The following ARGLU1 variants were observed in gnomAD, a reference collection of about 807,000 sequenced individuals.
ARGLU1 encodes arginine and glutamate-rich protein 1.
A neutral mutation model predicts 37.6 loss-of-function variants in ARGLU1; 9 were observed. The ratio of observed to expected loss-of-function variants is 0.24; its 90% CI spans 0.14 to 0.42. The LOEUF (loss-of-function observed/expected upper bound fraction) is 0.42, where lower values mean the gene tolerates loss of function less well. Among genes scored for constraint, ARGLU1 ranks in the 10% least tolerant of loss-of-function variants. ARGLU1 has a pLI of 1.00. For synonymous variants in ARGLU1, 166 were observed against 138.5 expected (o/e 1.20, Z -1.39); for missense variants, 211 against 359.2 (o/e 0.59, Z 3.34).
In ARGLU1 at chr13:106,557,906, T is replaced by C; in HGVS notation, c.574-775A>G. 1 of 985,452 alleles carries C rather than the reference T, an allele frequency of 1.0e-6. No homozygotes were observed. Among genetic ancestry groups the C allele is most frequent in the African/African-American group, 1.7e-5 (1 of 57,362 alleles). The allele number at this position is 985,452 out of a possible 1,614,324, so 61.0% of individuals were successfully genotyped here. A position where few individuals can be genotyped will look rare whatever the true frequency, so the allele number is the denominator to read the frequency against. Reference sequence around the variant, plus strand: ...TGACAATTTCGGAAGGCAGCTTATATTGTCATCTACAATCTGAACTGAAAC... The same window carrying C: ...TGACAATTTCGGAAGGCAGCTTATACTGTCATCTACAATCTGAACTGAAAC... On this transcript the variant is annotated intron_variant, in intron 2 of 3. Transcript: ENST00000400198. This position sits in a 1 kb window ranked among gnomAD's most constrained non-coding sequence, Gnocchi z 5.0.
At chr13:106,550,045 G>A (rs1004369732) in intron 3 of ARGLU1, among the ~76,000 whole-genome samples, 1 of 152,064 alleles carries the variant, frequency 6.6e-6, no homozygotes, top group Non-Finnish European at 1.5e-5. Flanking sequence ...CAGTTCTTCT[G>A]TCTTGGTCAT....
At chr13:106,556,832 T>C (rs1468731691) in intron 3 of ARGLU1, among the ~76,000 whole-genome samples, 1 of 152,148 alleles carries the variant, frequency 6.6e-6, no homozygotes, top group Non-Finnish European at 1.5e-5. Flanking sequence ...CCCAGAAAAC[T>C]TGTTTTTTAA....
Position 106,543,928 on chromosome 13 carries a change from C to A in ARGLU1, c.*68G>T. 1 of 1,451,184 alleles carries A rather than the reference C, an allele frequency of 6.9e-7. No homozygotes were observed. Among genetic ancestry groups the A allele is most frequent in the East Asian group, 2.6e-5 (1 of 38,756 alleles). The allele number at this position is 1,451,184 out of a possible 1,614,324, so 89.9% of individuals were successfully genotyped here. ...AAAAACAAAAACAAAAACAAAAAAC[C>A]ACTTCAACATGAAGCTACCATACAA... On this transcript the variant is annotated 3_prime_UTR_variant, in exon 4 of 4. Coordinates refer to ENST00000400198, the MANE Select transcript of ARGLU1 (RefSeq NM_018011.4).
rs1218237532 is a variant in ARGLU1, at chr13:106,543,233, ATATAGT to A, written c.*757_*762del. The stretch of plus-strand genomic sequence containing the variant: ...ATGTTAAAAGTATAAACAAGAGGAA[ATATAGT>A]TCTAAGACTTCTAAATGGTTGACCA... On this transcript the variant is annotated 3_prime_UTR_variant, in exon 4 of 4. Coordinates refer to ENST00000400198, the MANE Select transcript of ARGLU1 (RefSeq NM_018011.4). The A allele has an allele frequency of 1.3e-5, 2 of 152,584 alleles. No homozygotes were observed. Among genetic ancestry groups the A allele is most frequent in the Non-Finnish European group, 2.9e-5 (2 of 67,962 alleles). The allele number at this position is 152,584 out of a possible 1,614,324, so 9.5% of individuals were successfully genotyped here. A position where few individuals can be genotyped will look rare whatever the true frequency, so the allele number is the denominator to read the frequency against.
chr13:106,559,789 T>G, intron 1 of ARGLU1, 132 bp from the exon 2 acceptor site: 4 of 977,624 alleles, frequency 4.1e-6, no homozygotes, highest in Non-Finnish European at 5.9e-6. Flanking sequence ...TTCATTTCCA[T>G]GTCACATTTG....
intron 3 of ARGLU1, among the ~76,000 whole-genome samples, chr13:106,550,907 G>C (rs981155590): frequency 1.3e-5 from 2 of 152,202 alleles, no homozygotes; most frequent in Non-Finnish European, 2.9e-5. Flanking sequence ...ATCGTGTCAT[G>C]TGTCTTTTTC....
chr13:106,543,825 GAAAAAAA>G lies in ARGLU1; in HGVS notation c.*164_*170del, dbSNP rs11349875. Reference sequence around the variant, plus strand: ...TGATAAGGATTTGACTTAGTGGAAGGAAAAAAAAAAAAAAAAAGGGAATTGCAGAGCA... The same window carrying G: ...TGATAAGGATTTGACTTAGTGGAAGGAAAAAAAAAAGGGAATTGCAGAGCA... On this transcript the variant is annotated 3_prime_UTR_variant, in exon 4 of 4. Transcript: ENST00000400198. The G allele has an allele frequency of 7.3e-6, 3 of 408,836 alleles. No individual in the cohort carries two copies. Among genetic ancestry groups the G allele is most frequent in the Middle Eastern group, 6.3e-4 (1 of 1,584 alleles). The allele number at this position is 408,836 out of a possible 1,614,324, so 25.3% of individuals were successfully genotyped here. A position where few individuals can be genotyped will look rare whatever the true frequency, so the allele number is the denominator to read the frequency against.
rs534911262 is a variant in ARGLU1, at chr13:106,568,116, G to C, written c.-197C>G. On this transcript the variant is annotated 5_prime_UTR_variant, in exon 1 of 4. Transcript: ENST00000400198. ...TCCAACGAGAAACCCGTAGCGCCAGGCGCCCCTAAGATGGCAGCTGCGGCT... is the reference window on the plus strand; with the variant it reads ...TCCAACGAGAAACCCGTAGCGCCAGCCGCCCCTAAGATGGCAGCTGCGGCT... 3.7e-6 allele frequency: 3 copies of C among 815,992 alleles called. No individual in the cohort carries two copies. The highest frequency in any genetic ancestry group is 5.3e-6 in the Non-Finnish European group (3 of 561,090). The allele number at this position is 815,992 out of a possible 1,614,324, so 50.5% of individuals were successfully genotyped here.
intron 3 of ARGLU1, among the ~76,000 whole-genome samples, chr13:106,556,289 T>C (rs1005623258): frequency 1.4e-4 from 21 of 152,356 alleles, no homozygotes; most frequent in African/African-American, 2.6e-4. Flanking sequence ...CATTGTGCCA[T>C]GCTCACTAAG....
chr13:106,551,572 C>A (rs780727700), intron 3 of ARGLU1, among the ~76,000 whole-genome samples: 16 of 152,192 alleles, frequency 1.1e-4, no homozygotes, highest in Non-Finnish European at 1.6e-4. Flanking sequence ...ACCACTTCCA[C>A]ATTTTTAGGT....
intron 3 of ARGLU1, among the ~76,000 whole-genome samples, chr13:106,546,007 A>G (rs1301335431): frequency 6.6e-6 from 1 of 152,222 alleles, no homozygotes; most frequent in Non-Finnish European, 1.5e-5. Context: ...TCCTTAAAAT[A>G]AATCTGCCCT....
Position 106,568,106 on chromosome 13 carries a change from G to T in ARGLU1, c.-187C>A. ...GAAGGCCGCCTCCAACGAGAAACCC[G>T]TAGCGCCAGGCGCCCCTAAGATGGC... is the stretch of plus-strand genomic sequence containing the variant. On this transcript the variant is annotated 5_prime_UTR_variant, in exon 1 of 4. Transcript: ENST00000400198. 3 of 883,074 alleles carry T rather than the reference G, an allele frequency of 3.4e-6. 1 individual carries two copies. The South Asian group carries it at 6.1e-5, about 18-fold the overall frequency. The allele number at this position is 883,074 out of a possible 1,614,324, so 54.7% of individuals were successfully genotyped here.
chr13:106,549,043 G>C (rs1308981676), intron 3 of ARGLU1, among the ~76,000 whole-genome samples: 1 of 152,198 alleles, frequency 6.6e-6, no homozygotes, highest in African/African-American at 2.4e-5. Context: ...GAGCCACTGT[G>C]CCCGGCCTCT....
intron 3 of ARGLU1, among the ~76,000 whole-genome samples, chr13:106,547,648 A>G (rs1010173551): frequency 1.3e-5 from 2 of 152,236 alleles, no homozygotes; most frequent in African/African-American, 4.8e-5. Context: ...CTTTTGTGCA[A>G]TAAAGGGAGA....
chr13:106,564,344 A>C (rs1183313981), intron 1 of ARGLU1, among the ~76,000 whole-genome samples: 1 of 152,188 alleles, frequency 6.6e-6, no homozygotes, highest in Non-Finnish European at 1.5e-5. Flanking sequence ...TTTTCACAAC[A>C]AGCAAGACAG....
At chr13:106,560,518 G>T (rs763926570) in intron 1 of ARGLU1, among the ~76,000 whole-genome samples, 4 of 152,106 alleles carry the variant, frequency 2.6e-5, no homozygotes, top group Admixed American at 6.5e-5. Context: ...CTGAAATTTA[G>T]TATGAAGAAA....
rs1594193377 is a variant in ARGLU1 at position 106,559,579 on chromosome 13, C to T, written c.426G>A (p.Val142=). The T allele has an allele frequency of 1.2e-6, 2 of 1,614,196 alleles. No individual in the cohort carries two copies. The highest frequency in any genetic ancestry group is 1.7e-5 in the Admixed American group (1 of 60,020). Residue 142 remains valine, a synonymous_variant, in exon 2 of 4, where the codon GTG becomes GTA. Transcript: ENST00000400198. Reference sequence around the variant, plus strand: ...CCTTCCTTTTCTCCAGTTCTTCCTCCACCCTTTTTGCTACCAATTCTTCTA... The same window carrying T: ...CCTTCCTTTTCTCCAGTTCTTCCTCTACCCTTTTTGCTACCAATTCTTCTA... ...RRVEELVAKR[V]EEELEKRKDE...
Position 106,557,016 on chromosome 13 carries a change from C to CA in ARGLU1, c.657+31dup. Reference sequence around the variant, plus strand: ...CGAAAAAAGGAAATAAAGCAAAATACAAAACACTTTTCATGTATGCTTTAC... The same window carrying CA: ...CGAAAAAAGGAAATAAAGCAAAATACAAAAACACTTTTCATGTATGCTTTAC... On this transcript the variant is annotated intron_variant, in intron 3 of 3. Coordinates refer to ENST00000400198, the MANE Select transcript of ARGLU1 (RefSeq NM_018011.4). This position sits in a 1 kb window ranked among gnomAD's most constrained non-coding sequence, Gnocchi z 5.0. The CA allele has an allele frequency of 6.3e-7, 1 of 1,576,840 alleles. No individual in the cohort carries two copies. The highest frequency in any genetic ancestry group is 1.1e-5 in the South Asian group (1 of 89,334).
rs541023639 is a variant in ARGLU1 at position 106,557,031 on chromosome 13, G to A, written c.657+17C>T. The A allele has an allele frequency of 6.1e-5, 97 of 1,598,772 alleles. 1 individual carries two copies. In the East Asian group the frequency reaches 1.1e-3, roughly 17 times the overall value. ...AAGCAAAATACAAAACACTTTTCATGTATGCTTTACACTTACCAGTTTGGC... is the reference window on the plus strand; with the variant it reads ...AAGCAAAATACAAAACACTTTTCATATATGCTTTACACTTACCAGTTTGGC... On this transcript the variant is annotated intron_variant, in intron 3 of 3. Coordinates refer to ENST00000400198, the MANE Select transcript of ARGLU1 (RefSeq NM_018011.4). The surrounding 1 kb of genome is among the most constrained non-coding windows in gnomAD (Gnocchi z 5.0).
Sources: allele counts gnomAD v4.1 joint callset (sites outside exome capture counted in the v4.1 genomes callset), GRCh38; gene constraint gnomAD v4.1.1; non-coding constraint Gnocchi (gnomAD v3.1); transcripts MANE v1.5; gene names NCBI Gene and HGNC (gene_info 2026-07-23, HGNC 2026-07-21).